Variants in RAD51B observed in about 807,000 individuals in gnomAD.
RAD51B encodes DNA repair protein RAD51 homolog 2.
RAD51B carries 38 observed loss-of-function variants against 42.2 expected under a neutral mutation model. That is an observed-to-expected ratio of 0.90 (90% CI 0.70 to 1.18). The LOEUF (loss-of-function observed/expected upper bound fraction) is 1.18, where lower values mean the gene tolerates loss of function less well. Ranked by LOEUF, RAD51B falls within the 50% of genes most tolerant of loss-of-function variation. The pLI, the probability that RAD51B is intolerant of heterozygous loss-of-function variation, is 0.00. For missense variants in RAD51B, 373 were observed against 400.7 expected (o/e 0.93, Z 0.59); for synonymous variants, 154 against 145.2 (o/e 1.06, Z -0.43).
intron 7 of RAD51B, among the ~76,000 whole-genome samples, chr14:67,965,188 C>T (rs2074746249): frequency 6.6e-6 from 1 of 152,164 alleles, no homozygotes; most frequent in Non-Finnish European, 1.5e-5. Context: ...TTCCTATATC[C>T]TCTGTCTTCA....
chr14:68,152,898 C>T (rs1040504548), intron 7 of RAD51B, among the ~76,000 whole-genome samples: 1 of 152,112 alleles, frequency 6.6e-6, no homozygotes, highest in Non-Finnish European at 1.5e-5. Flanking sequence ...TAATGGCCTC[C>T]AGCTCCATCC....
intron 4 of RAD51B, among the ~76,000 whole-genome samples, chr14:67,840,236 GA>G (rs1236059433): frequency 6.6e-6 from 1 of 152,088 alleles, no homozygotes; most frequent in Non-Finnish European, 1.5e-5. Context: ...CTCAGCTACT[GA>G]ACATAGTCCC....
At chr14:68,158,963 AAAGT>A (rs1286537375) in intron 7 of RAD51B, among the ~76,000 whole-genome samples, 14 of 152,220 alleles carry the variant, frequency 9.2e-5, no homozygotes, top group Non-Finnish European at 1.3e-4. Context: ...AGCAGACACC[AAAGT>A]AAGTGTTAGA....
At chr14:67,821,119 C>A (rs1057398041) in intron 1 of RAD51B, among the ~76,000 whole-genome samples, 1 of 152,148 alleles carries the variant, frequency 6.6e-6, no homozygotes, top group South Asian at 2.1e-4. Context: ...CTTTTGCAGG[C>A]GAATTTGGGG....
chr14:68,372,311 T>C (rs1158437891), intron 8 of RAD51B, among the ~76,000 whole-genome samples: 6 of 151,912 alleles, frequency 3.9e-5, no homozygotes, highest in Non-Finnish European at 8.8e-5. Context: ...TCACTACAAA[T>C]GGAAACAGTG....
chr14:68,127,561 G>A (rs556077440), intron 7 of RAD51B, among the ~76,000 whole-genome samples: 3 of 150,494 alleles, frequency 2.0e-5, no homozygotes, highest in Admixed American at 6.7e-5. Flanking sequence ...TCCAGTTAGC[G>A]GTACTGTATA....
At chr14:68,252,632 C>T (rs145548627) in intron 7 of RAD51B, among the ~76,000 whole-genome samples, 1 of 152,146 alleles carries the variant, frequency 6.6e-6, no homozygotes, top group Non-Finnish European at 1.5e-5. Flanking sequence ...AAAAAATACA[C>T]TTTATTCTTT....
rs17105321 is a variant in RAD51B at position 68,283,691 on chromosome 14, G to A, written c.757-8193G>A. 2.7e-3 allele frequency among the ~76,000 whole-genome samples: 411 copies of A among 152,296 alleles called. 2 individuals carry two copies. Among genetic ancestry groups the A allele is most frequent in the African/African-American group, 9.5e-3 (394 of 41,570 alleles). On this transcript the variant is annotated intron_variant, in intron 7 of 10. Coordinates refer to ENST00000471583, the MANE Select transcript of RAD51B (RefSeq NM_133510.4). ...CAACTGCCGGCCCCATCTGAGATCCGGAACCAACACGTGCTAACCTCAGCC... is the reference window on the plus strand; with the variant it reads ...CAACTGCCGGCCCCATCTGAGATCCAGAACCAACACGTGCTAACCTCAGCC...
chr14:68,143,762 T>C (rs953884892), intron 7 of RAD51B, among the ~76,000 whole-genome samples: 2 of 152,202 alleles, frequency 1.3e-5, no homozygotes, highest in Non-Finnish European at 2.9e-5. Flanking sequence ...GCTGCAACCT[T>C]CAGAGGAAGC....
At chr14:68,613,197 C>T (rs1454462810), downstream of RAD51B, among the ~76,000 whole-genome samples, 1 of 152,114 alleles carries the variant, frequency 6.6e-6, no homozygotes, top group East Asian at 1.9e-4. Context: ...GGGCAGATCA[C>T]CTGAGGTCAG....
chr14:67,998,042 T>C (rs754008356), intron 7 of RAD51B, among the ~76,000 whole-genome samples: 1 of 152,208 alleles, frequency 6.6e-6, no homozygotes, highest in Non-Finnish European at 1.5e-5. Context: ...TCCAGAGTTG[T>C]TTTTACTCTA....
At chr14:68,087,939 T>A (rs28640020) in intron 7 of RAD51B, among the ~76,000 whole-genome samples, 958 of 75,916 alleles carry the variant, frequency 0.013, 30 homozygotes, top group African/African-American at 0.073. Flanking sequence ...ATTATATAAT[T>A]TATTATTATA....
chr14:68,270,242 A>G (rs1418242916), intron 7 of RAD51B, among the ~76,000 whole-genome samples: 1 of 152,182 alleles, frequency 6.6e-6, no homozygotes, highest in African/African-American at 2.4e-5. Context: ...GGCCAATAAA[A>G]TTTGTTTGTG....
chr14:68,562,601 C>G, intron 10 of RAD51B: 2 of 985,384 alleles, frequency 2.0e-6, no homozygotes, highest in Non-Finnish European at 2.4e-6. Context: ...AATGAGGCAG[C>G]AATATTATTG....
intron 7 of RAD51B, among the ~76,000 whole-genome samples, chr14:67,943,668 A>C (rs930696291): frequency 6.6e-6 from 1 of 152,126 alleles, no homozygotes. Flanking sequence ...TTTTATTTGC[A>C]TGGTGGCATA....
At chr14:68,570,899 G>GCA (rs34972868) in intron 10 of RAD51B, among the ~76,000 whole-genome samples, 40 of 57,462 alleles carry the variant, frequency 7.0e-4, no homozygotes, top group East Asian at 1.3e-3. Flanking sequence ...ACACACACAT[G>GCA]CACACACACA....
At chr14:67,850,689 C>G (rs1314389006) in intron 4 of RAD51B, among the ~76,000 whole-genome samples, 1 of 152,118 alleles carries the variant, frequency 6.6e-6, no homozygotes, top group African/African-American at 2.4e-5. Context: ...GAGTGGATAA[C>G]CTGGCTTGTC....
At chr14:68,185,110 A>G (rs1257174503) in intron 7 of RAD51B, among the ~76,000 whole-genome samples, 1 of 152,084 alleles carries the variant, frequency 6.6e-6, no homozygotes, top group Non-Finnish European at 1.5e-5. Context: ...TGTATTTACT[A>G]CTTCACCCCC....
chr14:68,528,144 C>T (rs967522400), intron 10 of RAD51B, among the ~76,000 whole-genome samples: 16 of 152,190 alleles, frequency 1.1e-4, no homozygotes, highest in Non-Finnish European at 2.2e-4. Context: ...TCCAGTCTTC[C>T]GTACCATACA....
Sources: gnomAD v4.1 joint callset for allele counts (sites outside exome capture counted in the v4.1 genomes callset) on GRCh38, gnomAD v4.1.1 for gene constraint, MANE v1.5 for transcripts, NCBI Gene and HGNC (gene_info 2026-07-23, HGNC 2026-07-21) for gene names.